RARB: variants seen among roughly 807,000 people sequenced by gnomAD.
RARB encodes the protein retinoic acid receptor beta.
A neutral mutation model predicts 51.9 loss-of-function variants in RARB; 17 were observed. The ratio of observed to expected loss-of-function variants is 0.33; its 90% CI spans 0.22 to 0.49. The LOEUF (loss-of-function observed/expected upper bound fraction) is 0.49, where lower values mean the gene tolerates loss of function less well. RARB is among the 20% of genes least tolerant of loss of function. The pLI is 0.99. For synonymous variants in RARB, 215 were observed against 195.4 expected (o/e 1.10, Z -0.84); for missense variants, 369 against 550.8 (o/e 0.67, Z 3.30).
At chr3:24,988,986 C>T (rs529786734) in intron 2 of RARB, among the ~76,000 whole-genome samples, 22 of 152,158 alleles carry the variant, frequency 1.4e-4, no homozygotes, top group African/African-American at 3.6e-4. Flanking sequence ...CCACCAAGCC[C>T]GGCTAATTTT....
At chr3:25,554,348 G>A (rs1026590170) in intron 3 of RARB, among the ~76,000 whole-genome samples, 2 of 151,900 alleles carry the variant, frequency 1.3e-5, no homozygotes, top group East Asian at 1.9e-4. Context: ...AATCAAGGAC[G>A]TTTTTTAGTG....
At chr3:25,583,644 CTCACCTGTCCTGCCCTTGCTCACCT>C (rs1478565699) in intron 5 of RARB, among the ~76,000 whole-genome samples, 1 of 152,188 alleles carries the variant, frequency 6.6e-6, no homozygotes, top group Admixed American at 6.5e-5. Flanking sequence ...GATGGAAGGC[CTCACCTGTCCTGCCCTTGCTCACCT>C]TCCAGGGGAA....
rs115073664 is a variant in RARB, at chr3:25,283,184, T to G, written c.178+108609T>G. Among the ~76,000 whole-genome samples, 648 of 152,292 alleles carry G rather than the reference T, an allele frequency of 4.3e-3. 9 individuals are homozygous for G. The highest frequency in any genetic ancestry group is 0.014 in the African/African-American group (597 of 41,574). ...TTGGCTGCTCACAGGATAGTATTAATAAGGCCAAAATCAAAAGTTTAAGTC... is the reference window on the plus strand; with the variant it reads ...TTGGCTGCTCACAGGATAGTATTAAGAAGGCCAAAATCAAAAGTTTAAGTC... On this transcript the variant is annotated intron_variant, in intron 5 of 11. Transcript: ENST00000383772.
chr3:25,058,923 T>A lies in RARB; in HGVS notation c.-379-1202T>A, dbSNP rs535611435. Among the ~76,000 whole-genome samples the A allele has an allele frequency of 1.1e-3, 162 of 151,754 alleles. 1 individual carries two copies. Among genetic ancestry groups the A allele is most frequent in the African/African-American group, 3.0e-3 (123 of 41,464 alleles). The stretch of plus-strand genomic sequence containing the variant: ...TTATGGTAATAAAATATGCAATCAA[T>A]GTAGAAAACTTGAAAGTTACAAAAA... On this transcript the variant is annotated intron_variant, in intron 2 of 11. Coordinates refer to the RARB transcript ENST00000383772.
chr3:24,906,714 G>A (rs191672693), intron 2 of RARB, among the ~76,000 whole-genome samples: 37 of 151,718 alleles, frequency 2.4e-4, no homozygotes, highest in African/African-American at 8.5e-4. Context: ...GCATGGTGGC[G>A]GGTGCCTGCA....
chr3:25,432,625 T>C (rs1708254347), intron 1 of RARB, among the ~76,000 whole-genome samples: 1 of 151,980 alleles, frequency 6.6e-6, no homozygotes, highest in African/African-American at 2.4e-5. Context: ...AAAGTTCTTC[T>C]GGATATCAGA....
intron 1 of RARB, among the ~76,000 whole-genome samples, chr3:25,449,341 C>T (rs1473821767): frequency 6.6e-6 from 1 of 152,110 alleles, no homozygotes; most frequent in East Asian, 1.9e-4. Context: ...GTGTTTGCTT[C>T]TGGGGGACTT....
intron 2 of RARB, among the ~76,000 whole-genome samples, chr3:24,905,513 C>T (rs1694842491): frequency 6.6e-6 from 1 of 152,188 alleles, no homozygotes; most frequent in East Asian, 1.9e-4. Context: ...CCACATGACA[C>T]AGTTCTGGCC....
At chr3:25,471,333 G>A (rs1278645968) in intron 2 of RARB, among the ~76,000 whole-genome samples, 2 of 152,202 alleles carry the variant, frequency 1.3e-5, no homozygotes, top group Non-Finnish European at 2.9e-5. Flanking sequence ...ACTGAGGGCT[G>A]TTAGTGCTTT....
At chr3:25,263,321 C>T (rs949026328) in intron 5 of RARB, among the ~76,000 whole-genome samples, 5 of 152,002 alleles carry the variant, frequency 3.3e-5, no homozygotes, top group African/African-American at 1.2e-4. Flanking sequence ...TTAGTATTGC[C>T]CATTTTATGA....
chr3:25,230,043 T>C (rs547593511), intron 5 of RARB, among the ~76,000 whole-genome samples: 3 of 152,132 alleles, frequency 2.0e-5, no homozygotes, highest in Admixed American at 1.3e-4. Context: ...AGCAAAGAAA[T>C]AAAAATAAAT....
intron 2 of RARB, among the ~76,000 whole-genome samples, chr3:24,991,326 C>G (rs1696904912): frequency 6.6e-6 from 1 of 151,928 alleles, no homozygotes; most frequent in Non-Finnish European, 1.5e-5. Flanking sequence ...GCCGGTAGTC[C>G]CAGCTACTGG....
chr3:25,437,281 T>G (rs1379671315), intron 1 of RARB, among the ~76,000 whole-genome samples: 2 of 152,206 alleles, frequency 1.3e-5, no homozygotes, highest in African/African-American at 4.8e-5. Context: ...CCAGATTTCT[T>G]GCAAATGATT....
At chr3:25,227,952 A>G (rs545412050) in intron 5 of RARB, among the ~76,000 whole-genome samples, 6 of 152,250 alleles carry the variant, frequency 3.9e-5, no homozygotes, top group African/African-American at 1.2e-4. Flanking sequence ...TTAAAAACCA[A>G]TAGACATTGC....
intron 5 of RARB, among the ~76,000 whole-genome samples, chr3:25,408,343 A>G (rs926314107): frequency 9.2e-5 from 14 of 152,196 alleles, no homozygotes; most frequent in Middle Eastern, 3.4e-3. Flanking sequence ...AATCATGGTG[A>G]AAGACAAAGG....
intron 5 of RARB, among the ~76,000 whole-genome samples, chr3:25,587,824 C>G (rs534297908): frequency 2.4e-4 from 37 of 152,316 alleles, no homozygotes; most frequent in African/African-American, 8.7e-4. Flanking sequence ...CCACATGTTG[C>G]CAAACACAAT....
intron 5 of RARB, among the ~76,000 whole-genome samples, chr3:25,274,488 C>T (rs539101569): frequency 6.6e-6 from 1 of 152,182 alleles, no homozygotes; most frequent in South Asian, 2.1e-4. Flanking sequence ...GAAGGCCTCT[C>T]CTACTCGGGA....
intron 2 of RARB, among the ~76,000 whole-genome samples, chr3:24,911,528 C>G (rs939236731): frequency 6.6e-6 from 1 of 152,086 alleles, no homozygotes; most frequent in East Asian, 1.9e-4. Flanking sequence ...TAATGTCAAA[C>G]AGTTACCCAG....
intron 5 of RARB, among the ~76,000 whole-genome samples, chr3:25,306,174 G>A (rs1704147633): frequency 6.6e-6 from 1 of 151,964 alleles, no homozygotes; most frequent in African/African-American, 2.4e-5. Flanking sequence ...GAAAGTGAGA[G>A]GGCATTGAGT....
Sources: gnomAD v4.1 joint callset for allele counts (sites outside exome capture counted in the v4.1 genomes callset) on GRCh38, gnomAD v4.1.1 for gene constraint, MANE v1.5 for transcripts, NCBI Gene and HGNC (gene_info 2026-07-23, HGNC 2026-07-21) for gene names.